The following MRPL1 variants were observed in gnomAD, a reference collection of about 807,000 sequenced individuals.
The protein encoded by MRPL1 is mitochondrial ribosomal protein L1.
In MRPL1, 28 loss-of-function variants were observed where a neutral mutation model predicts 38.0. That is an observed-to-expected ratio of 0.74 (90% CI 0.55 to 1.01). MRPL1 has a LOEUF of 1.01. MRPL1 is among the 50% of genes least tolerant of loss of function. The pLI, the probability that MRPL1 is intolerant of heterozygous loss-of-function variation, is 0.00. For missense variants in MRPL1, 358 were observed against 389.8 expected, an observed-to-expected ratio of 0.92 and a Z score of 0.69; for synonymous variants, 123 against 126.7, an observed-to-expected ratio of 0.97 and a Z score of 0.20.
intron 2 of MRPL1, among the ~76,000 whole-genome samples, chr4:77,872,203 T>C (rs1735296505): frequency 1.3e-5 from 2 of 152,226 alleles, no homozygotes; most frequent in Admixed American, 6.5e-5. Flanking sequence ...CCATGGAGTT[T>C]ATTCCAGAAC....
intron 7 of MRPL1, among the ~76,000 whole-genome samples, chr4:77,929,421 A>G (rs1428685303): frequency 6.6e-6 from 1 of 152,220 alleles, no homozygotes; most frequent in African/African-American, 2.4e-5. Flanking sequence ...TCTAAAAAAA[A>G]TAACATTTAT....
chr4:77,879,370 A>G (rs1388380694), intron 2 of MRPL1, among the ~76,000 whole-genome samples: 1 of 152,190 alleles, frequency 6.6e-6, no homozygotes, highest in East Asian at 1.9e-4. Flanking sequence ...TTGTGTTTAT[A>G]AATATTTTCA....
At chr4:77,935,825 G>A (rs934509065) in intron 7 of MRPL1, among the ~76,000 whole-genome samples, 3 of 151,794 alleles carry the variant, frequency 2.0e-5, no homozygotes, top group Non-Finnish European at 2.9e-5. Flanking sequence ...CCAGCTACTC[G>A]GGAGGCTAAG....
At chr4:77,951,790 A>G (rs1020343132) in intron 8 of MRPL1, among the ~76,000 whole-genome samples, 2 of 152,110 alleles carry the variant, frequency 1.3e-5, no homozygotes, top group East Asian at 1.9e-4. Flanking sequence ...TGTCTGCATG[A>G]TCCCGGTGTG....
Position 77,897,552 on chromosome 4 carries a change from C to G in MRPL1, c.670+3302C>G, listed in dbSNP as rs562204857. On this transcript the variant is annotated intron_variant, in intron 6 of 8. Coordinates refer to ENST00000315567, the MANE Select transcript of MRPL1 (RefSeq NM_020236.4). ...AATGTGTATTCCTCTTAACTTCTAA[C>G]TCTTAGAATTGAACACTAGTGCTCC... Among the ~76,000 whole-genome samples, 4 of 152,298 alleles carry G rather than the reference C, an allele frequency of 2.6e-5. No homozygotes were observed. In the South Asian group the frequency reaches 8.3e-4, roughly 32 times the overall value.
chr4:77,891,348 T>G (rs1267388224), intron 5 of MRPL1, among the ~76,000 whole-genome samples: 4 of 150,068 alleles, frequency 2.7e-5, no homozygotes, highest in Middle Eastern at 3.2e-3. Context: ...CAGTTTTTTT[T>G]GTTTTTTTTT....
At chr4:77,869,053 A>G (rs1735218197) in intron 1 of MRPL1, among the ~76,000 whole-genome samples, 1 of 152,232 alleles carries the variant, frequency 6.6e-6, no homozygotes, top group South Asian at 2.1e-4. Flanking sequence ...GCAGTAATCC[A>G]GGTGGTAGGT....
intron 1 of MRPL1, among the ~76,000 whole-genome samples, chr4:77,867,300 A>G (rs771175343): frequency 6.6e-5 from 10 of 152,206 alleles, no homozygotes; most frequent in Non-Finnish European, 1.5e-4. Flanking sequence ...ATGAATGAAT[A>G]AATGGATCAT....
At chr4:77,876,222 C>T (rs1735390125) in intron 2 of MRPL1, among the ~76,000 whole-genome samples, 1 of 152,210 alleles carries the variant, frequency 6.6e-6, no homozygotes, top group Non-Finnish European at 1.5e-5. Flanking sequence ...ATCTGCCCGC[C>T]TCAGCCTCCC....
intron 7 of MRPL1, among the ~76,000 whole-genome samples, chr4:77,912,152 C>T (rs1010243520): frequency 6.6e-6 from 1 of 152,156 alleles, no homozygotes; most frequent in African/African-American, 2.4e-5. Context: ...TGGTGAAACA[C>T]TGAATGTTGC....
chr4:77,950,998 G>A (rs1017609966), intron 8 of MRPL1, among the ~76,000 whole-genome samples: 1 of 152,172 alleles, frequency 6.6e-6, no homozygotes, highest in African/African-American at 2.4e-5. Flanking sequence ...AGCCTCCCAA[G>A]TAGCTGGGAT....
chr4:77,895,645 T>C (rs1186711943), intron 6 of MRPL1, among the ~76,000 whole-genome samples: 1 of 152,170 alleles, frequency 6.6e-6, no homozygotes, highest in Non-Finnish European at 1.5e-5. Context: ...AAAATTTTTA[T>C]ATATCCTAGC....
At chr4:77,897,048 TA>T (rs1735932058) in intron 6 of MRPL1, among the ~76,000 whole-genome samples, 2 of 152,050 alleles carry the variant, frequency 1.3e-5, no homozygotes, top group Non-Finnish European at 1.5e-5. Context: ...ATTTAGAAAC[TA>T]AAAACACTAG....
chr4:77,883,473 G>T lies in MRPL1; in HGVS notation c.375G>T (p.Leu125Phe). ...CAAAGCAAAGTGTTTATCTTGATTTGACACTGGATATGGCACTGGGAAAGA... is the reference window on the plus strand; with the variant it reads ...CAAAGCAAAGTGTTTATCTTGATTTTACACTGGATATGGCACTGGGAAAGA... ...TSPKQSVYLD[L>F]TLDMALGKKK... Residue 125 changes from leucine (L) to phenylalanine (F), a missense_variant, in exon 3 of 9, where the codon TTG becomes TTT. Coordinates refer to ENST00000315567, the MANE Select transcript of MRPL1 (RefSeq NM_020236.4). 6.2e-7 allele frequency: 1 copy of T among 1,613,506 alleles called. No homozygotes were observed. The highest frequency in any genetic ancestry group is 8.5e-7 in the Non-Finnish European group (1 of 1,179,758).
At chr4:77,869,990 C>G (rs1441420983) in intron 1 of MRPL1, among the ~76,000 whole-genome samples, 1 of 152,054 alleles carries the variant, frequency 6.6e-6, no homozygotes, top group Non-Finnish European at 1.5e-5. Flanking sequence ...TCAAGTGATC[C>G]TGCCACCTCA....
chr4:77,876,313 C>A (rs1006300322), intron 2 of MRPL1, among the ~76,000 whole-genome samples: 2 of 152,124 alleles, frequency 1.3e-5, no homozygotes, highest in African/African-American at 4.8e-5. Flanking sequence ...GCCTGTTTTT[C>A]TGTTGGGCTT....
At chr4:77,866,998 G>A (rs374655531) in intron 1 of MRPL1, among the ~76,000 whole-genome samples, 78 of 151,742 alleles carry the variant, frequency 5.1e-4, no homozygotes, top group African/African-American at 1.7e-3. Context: ...CTCCCACCTC[G>A]GCCTCCCAAA....
chr4:77,952,504 G>T lies in MRPL1; in HGVS notation c.875G>T (p.Arg292Leu). The change falls in exon 9 of 9, where the codon CGT becomes CTT. Residue 292 changes from arginine (R) to leucine (L), a missense_variant. Physicochemically the swap from Arg to Leu is moderately radical, Grantham distance 102 (BLOSUM62 -2). Coordinates refer to ENST00000315567, the MANE Select transcript of MRPL1 (RefSeq NM_020236.4). ...RPLNLGPFVV[R>L]AFLRSSTSEG... ...TTGTTTCCAGGTCCCTTTGTGGTAC[G>T]TGCTTTCCTTCGTAGTTCAACAAGT... 2 of 1,612,528 alleles carry T rather than the reference G, an allele frequency of 1.2e-6. No individual in the cohort carries two copies. The highest frequency in any genetic ancestry group is 1.7e-6 in the Non-Finnish European group (2 of 1,179,172).
At chr4:77,908,606 T>C (rs535337794) in intron 6 of MRPL1, among the ~76,000 whole-genome samples, 1 of 152,368 alleles carries the variant, frequency 6.6e-6, no homozygotes, top group East Asian at 1.9e-4. Flanking sequence ...ATGTATGCTG[T>C]ATATTATTAT....
Sources: gnomAD v4.1 joint callset for allele counts (sites outside exome capture counted in the v4.1 genomes callset) on GRCh38, gnomAD v4.1.1 for gene constraint, MANE v1.5 for transcripts, NCBI Gene and HGNC (gene_info 2026-07-23, HGNC 2026-07-21) for gene names.